Variants in POU2F1 observed in about 807,000 individuals in gnomAD.
POU2F1 encodes POU domain, class 2, transcription factor 1.
In POU2F1, 16 loss-of-function variants were observed where a neutral mutation model predicts 84.9. That is an observed-to-expected ratio of 0.19 (90% CI 0.13 to 0.29). The LOEUF is 0.29. Among genes scored for constraint, POU2F1 ranks in the 10% least tolerant of loss-of-function variants. The pLI is 1.00. For missense variants in POU2F1, 738 were observed against 942.6 expected (o/e 0.78, Z 2.84); for synonymous variants, 368 against 368.3 (o/e 1.00, Z 0.01).
intron 9 of POU2F1, among the ~76,000 whole-genome samples, chr1:167,395,269 A>T (rs1241211376): frequency 1.3e-5 from 2 of 152,324 alleles, no homozygotes; most frequent in South Asian, 4.1e-4. Flanking sequence ...TTCTATTGCT[A>T]TAAGGTTACT....
chr1:167,401,701 C>T, intron 13 of POU2F1, 145 bp downstream of exon 13: 1 of 490,796 alleles, frequency 2.0e-6, no homozygotes, highest in Non-Finnish European at 3.4e-6. Flanking sequence ...TAAAGTAACT[C>T]CTTTCCTTAA....
chr1:167,329,422 G>C, intron 1 of POU2F1: 10 of 1,231,736 alleles, frequency 8.1e-6, no homozygotes, highest in East Asian at 2.8e-5. Context: ...GAGGGGGAGA[G>C]TTGGACTGAG....
rs1028160773 is a variant in POU2F1 at position 167,419,897 on chromosome 1, G to C, written c.*4087G>C. 1 of 152,070 alleles carries C rather than the reference G, an allele frequency of 6.6e-6. No individual in the cohort carries two copies. The highest frequency in any genetic ancestry group is 6.6e-5 in the Admixed American group (1 of 15,258). The allele number at this position is 152,070 out of a possible 1,614,324, so 9.4% of individuals were successfully genotyped here. A position where few individuals can be genotyped will look rare whatever the true frequency, so the allele number is the denominator to read the frequency against. On this transcript the variant is annotated 3_prime_UTR_variant, in exon 16 of 16. Coordinates refer to ENST00000367866, the MANE Select transcript of POU2F1 (RefSeq NM_002697.4). ...TTAAAAAAGGGAAGATAAGATTAAA[G>C]ATTCTTAGTGAGATCATCTTGCCAA...
At chr1:167,269,489 A>G (rs955318447) in intron 1 of POU2F1, among the ~76,000 whole-genome samples, 1 of 152,236 alleles carries the variant, frequency 6.6e-6, no homozygotes. Context: ...TCGGACAGTT[A>G]ATAAGTGGTT....
chr1:167,364,716 A>G (rs1162283879), intron 2 of POU2F1, among the ~76,000 whole-genome samples: 1 of 150,178 alleles, frequency 6.7e-6, no homozygotes, highest in Non-Finnish European at 1.5e-5. Flanking sequence ...CTGGGACTTC[A>G]GGCGCACACC....
At chr1:167,221,722 C>T (rs1648207823) in intron 1 of POU2F1, among the ~76,000 whole-genome samples, 1 of 151,430 alleles carries the variant, frequency 6.6e-6, no homozygotes, top group African/African-American at 2.4e-5. Flanking sequence ...TGACCCAAGC[C>T]AGGCCTGCTC....
In POU2F1 at chr1:167,418,545, G is replaced by A. The variant is rs942888307; in HGVS notation, c.*2735G>A. 1 of 152,192 alleles carries A rather than the reference G, an allele frequency of 6.6e-6. No individual in the cohort carries two copies. Among genetic ancestry groups the A allele is most frequent in the African/African-American group, 2.4e-5 (1 of 41,452 alleles). The allele number at this position is 152,192 out of a possible 1,614,324, so 9.4% of individuals were successfully genotyped here. ...GGAAATGCTGGTACCCAGTATACTG[G>A]ATTAGAAGTTATAGCATTAATTTCT... On this transcript the variant is annotated 3_prime_UTR_variant, in exon 16 of 16. Transcript: ENST00000367866.
At chr1:167,227,770 A>G (rs1371591011) in intron 1 of POU2F1, among the ~76,000 whole-genome samples, 1 of 152,206 alleles carries the variant, frequency 6.6e-6, no homozygotes, top group African/African-American at 2.4e-5. Context: ...ATTGAAAAAC[A>G]GTGTATATAA....
At chr1:167,321,432 A>G (rs1656302240) in intron 1 of POU2F1, among the ~76,000 whole-genome samples, 1 of 152,232 alleles carries the variant, frequency 6.6e-6, no homozygotes, top group Non-Finnish European at 1.5e-5. Flanking sequence ...TCATAGCAGG[A>G]GAAGGCAATC....
At chr1:167,338,479 G>T (rs531673181) in intron 2 of POU2F1, among the ~76,000 whole-genome samples, 4 of 152,166 alleles carry the variant, frequency 2.6e-5, no homozygotes, top group Admixed American at 2.0e-4. Flanking sequence ...CGTTGTTCAG[G>T]GTTCGACTGT....
At position 167,298,299 on chromosome 1, in the gene POU2F1, G is replaced by T. The variant is rs142038479; in HGVS notation, c.62-34171G>T. Among the ~76,000 whole-genome samples the T allele has an allele frequency of 6.2e-3, 946 of 152,134 alleles. 12 individuals carry two copies. The highest frequency in any genetic ancestry group is 0.011 in the Non-Finnish European group (768 of 68,002). On this transcript the variant is annotated intron_variant, in intron 1 of 15. Coordinates refer to ENST00000367866, the MANE Select transcript of POU2F1 (RefSeq NM_002697.4). ...TTCTTTTTCCAAGACTAGAGTAAATGCTGGAAACACATTAAAGTTAGAAAT... is the reference window on the plus strand; with the variant it reads ...TTCTTTTTCCAAGACTAGAGTAAATTCTGGAAACACATTAAAGTTAGAAAT...
At chr1:167,291,385 T>C (rs962926479) in intron 1 of POU2F1, among the ~76,000 whole-genome samples, 1 of 152,220 alleles carries the variant, frequency 6.6e-6, no homozygotes, top group Non-Finnish European at 1.5e-5. Flanking sequence ...ACAGCGGTGC[T>C]TAAGCTATTT....
At chr1:167,325,370 T>C (rs1656629747) in intron 1 of POU2F1, among the ~76,000 whole-genome samples, 1 of 152,092 alleles carries the variant, frequency 6.6e-6, no homozygotes, top group South Asian at 2.1e-4. Flanking sequence ...TTCAACTAGT[T>C]ATATGGTCAG....
intron 1 of POU2F1, among the ~76,000 whole-genome samples, chr1:167,293,384 A>G (rs1654055322): frequency 6.6e-6 from 1 of 152,190 alleles, no homozygotes; most frequent in Non-Finnish European, 1.5e-5. Flanking sequence ...CAACAGCTGC[A>G]ATAAAATATA....
intron 2 of POU2F1, among the ~76,000 whole-genome samples, chr1:167,339,795 C>T (rs892147047): frequency 2.6e-5 from 4 of 152,150 alleles, no homozygotes; most frequent in African/African-American, 9.7e-5. Context: ...ATTCATTTGA[C>T]AATTTATTAC....
At chr1:167,370,053 C>A in intron 3 of POU2F1, 108 bp from the exon 4 acceptor site, 1 of 906,946 alleles carries the variant, frequency 1.1e-6, no homozygotes, top group Non-Finnish European at 1.6e-6. Context: ...ACTTCTTTGT[C>A]TTCTCAGTTC....
chr1:167,261,660 A>G (rs146086696), intron 1 of POU2F1, among the ~76,000 whole-genome samples: 1 of 152,158 alleles, frequency 6.6e-6, no homozygotes, highest in South Asian at 2.1e-4. Context: ...TTGGAAATTC[A>G]TATTCAATTT....
intron 8 of POU2F1, among the ~76,000 whole-genome samples, chr1:167,385,408 A>G (rs1409611020): frequency 6.6e-6 from 1 of 152,168 alleles, no homozygotes; most frequent in Non-Finnish European, 1.5e-5. Context: ...AGGACTACTG[A>G]TGTCAAGAAT....
rs1395602995 is a variant in POU2F1 at position 167,306,714 on chromosome 1, A to G, written c.62-25756A>G. On this transcript the variant is annotated intron_variant, in intron 1 of 15. Transcript: ENST00000367866. ...TTCTTTCTGAGGGCTGTGAAGCAGA[A>G]TCTGTTCCATCCCTCTCTTCTTGTC... Among the ~76,000 whole-genome samples the G allele has an allele frequency of 3.3e-5, 5 of 152,264 alleles. No homozygotes were observed. In the South Asian group the frequency reaches 1.0e-3, roughly 32 times the overall value.
Sources: allele counts gnomAD v4.1 joint callset (sites outside exome capture counted in the v4.1 genomes callset), GRCh38; gene constraint gnomAD v4.1.1; transcripts MANE v1.5; gene names NCBI Gene and HGNC (gene_info 2026-07-23, HGNC 2026-07-21).